MGA: variants seen among roughly 807,000 people sequenced by gnomAD.
MGA encodes MAX dimerization protein MGA, also known as MAX gene-associated protein.
Under a neutral mutation model 261.1 loss-of-function variants are expected in MGA, and 40 were observed. The observed-to-expected ratio is 0.15, with a 90% confidence interval of 0.12 to 0.20. The LOEUF (loss-of-function observed/expected upper bound fraction) is 0.20, where lower values mean the gene tolerates loss of function less well. Ranked by LOEUF, MGA falls within the 10% of genes least tolerant of loss-of-function variation. The pLI is 1.00. For synonymous variants in MGA, 1,302 were observed against 1,290.6 expected (o/e 1.01, Z -0.19); for missense variants, 3,397 against 3,630.5 (o/e 0.94, Z 1.65).
intron 1 of MGA, among the ~76,000 whole-genome samples, chr15:41,626,634 G>T (rs1362008127): frequency 6.6e-6 from 1 of 152,012 alleles, no homozygotes; most frequent in African/African-American, 2.4e-5. Context: ...CATTGGTCAG[G>T]CTGGTCTTGA....
At chr15:41,694,950 C>T (rs1421744132) in intron 2 of MGA, among the ~76,000 whole-genome samples, 1 of 152,100 alleles carries the variant, frequency 6.6e-6, no homozygotes, top group Non-Finnish European at 1.5e-5. Flanking sequence ...ATGCTGTTTT[C>T]AGTCATAGGC....
At chr15:41,678,850 A>G (rs990504785) in intron 2 of MGA, among the ~76,000 whole-genome samples, 4 of 151,380 alleles carry the variant, frequency 2.6e-5, no homozygotes, top group African/African-American at 9.7e-5. Context: ...AATTGCCCAC[A>G]TATGTGCAGA....
chr15:41,659,751 CCT>C (rs1168305547), upstream of MGA, among the ~76,000 whole-genome samples: 4 of 152,320 alleles, frequency 2.6e-5, no homozygotes, highest in African/African-American at 7.2e-5. Flanking sequence ...GCATCGTTTC[CCT>C]GTTTTATCAA....
At chr15:41,707,433 C>T (rs1053694473) in intron 5 of MGA, among the ~76,000 whole-genome samples, 7 of 152,200 alleles carry the variant, frequency 4.6e-5, no homozygotes, top group South Asian at 4.1e-4. Flanking sequence ...TTATCATGCA[C>T]GTCCCATCTC....
intron 1 of MGA, among the ~76,000 whole-genome samples, chr15:41,627,284 T>C (rs1028993677): frequency 6.6e-6 from 1 of 152,344 alleles, no homozygotes; most frequent in East Asian, 1.9e-4. Flanking sequence ...TTATCTAATG[T>C]CACTTTCTTG....
chr15:41,752,441 C>T (rs2062883803), intron 17 of MGA: 1 of 151,522 alleles, frequency 6.6e-6, no homozygotes, highest in Non-Finnish European at 1.5e-5. Flanking sequence ...TTTTTGCAGT[C>T]TCACACTGTA....
chr15:41,661,960 C>A (rs2057432791), intron 1 of MGA, among the ~76,000 whole-genome samples: 1 of 152,032 alleles, frequency 6.6e-6, no homozygotes, highest in Non-Finnish European at 1.5e-5. Context: ...GCTTTCCTTG[C>A]GGCATTTTTT....
Position 41,736,483 on chromosome 15 carries a change from G to A in MGA, c.4219G>A (p.Asp1407Asn), listed in dbSNP as rs1312798759. The A allele has an allele frequency of 1.9e-6, 3 of 1,614,024 alleles. No individual in the cohort carries two copies. The highest frequency in any genetic ancestry group is 2.5e-6 in the Non-Finnish European group (3 of 1,179,900). The change falls in exon 13 of 24, where the codon GAT (aspartate) becomes AAT (asparagine). Residue 1407 changes from aspartate to asparagine, a missense_variant. Physicochemically the swap from Asp to Asn is conservative, Grantham distance 23. Coordinates refer to ENST00000219905, the MANE Select transcript of MGA (RefSeq NM_001164273.2). ...TATGCCATCATGTCAAGACCAAGATGATATGGCTGAGAAATCTGGATCAGA... is the reference window on the plus strand; with the variant it reads ...TATGCCATCATGTCAAGACCAAGATAATATGGCTGAGAAATCTGGATCAGA...
intron 11 of MGA, among the ~76,000 whole-genome samples, chr15:41,733,236 C>T (rs896001137): frequency 3.9e-5 from 6 of 152,050 alleles, no homozygotes; most frequent in South Asian, 2.1e-4. Flanking sequence ...GGATTACAGG[C>T]GTGAGCCACA....
At chr15:41,713,869 G>GT (rs139846091) in intron 9 of MGA, among the ~76,000 whole-genome samples, 11 of 152,248 alleles carry the variant, frequency 7.2e-5, no homozygotes, top group African/African-American at 2.4e-4. Flanking sequence ...AATGCATCAT[G>GT]TTTTCTAAAA....
At chr15:41,681,759 A>T (rs1006929710) in intron 2 of MGA, among the ~76,000 whole-genome samples, 4 of 151,978 alleles carry the variant, frequency 2.6e-5, no homozygotes, top group African/African-American at 9.7e-5. Flanking sequence ...CAAATAATCC[A>T]TTTTTTTATG....
At position 41,765,048 on chromosome 15, in the gene MGA, C is replaced by T. The variant is rs1360565537; in HGVS notation, c.7907C>T (p.Ala2636Val). 6.2e-6 allele frequency: 10 copies of T among 1,613,870 alleles called. No homozygotes were observed. The highest frequency in any genetic ancestry group is 1.1e-5 in the South Asian group (1 of 91,090). ...CTTAAGCCTCAAGTTGCCGGTAGTG[C>T]TGTGGCTCTACCAGGTATGTTGTAA... Residue 2636 changes from alanine (A) to valine (V), a missense_variant, in exon 23 of 24, where the codon GCT (alanine) becomes GTT (valine). Ala to Val is a moderately conservative substitution (Grantham distance 64, BLOSUM62 0). Transcript: ENST00000219905.
chr15:41,715,276 A>G (rs1485370119), intron 9 of MGA, among the ~76,000 whole-genome samples: 1 of 151,550 alleles, frequency 6.6e-6, no homozygotes, highest in Non-Finnish European at 1.5e-5. Context: ...CAGCCTCCCA[A>G]GTAGCTGGGA....
intron 1 of MGA, among the ~76,000 whole-genome samples, chr15:41,637,924 T>A (rs913946961): frequency 3.2e-4 from 48 of 151,786 alleles, no homozygotes; most frequent in African/African-American, 1.1e-3. Context: ...TTTGTATTTT[T>A]AGTAGAGACG....
At position 41,685,579 on chromosome 15, in the gene MGA, ATC is replaced by A. The variant is rs571424728; in HGVS notation, c.1065-10492_1065-10491del. 4.3e-4 allele frequency among the ~76,000 whole-genome samples: 66 copies of A among 152,324 alleles called. 1 individual carries two copies. Among genetic ancestry groups the A allele is most frequent in the Non-Finnish European group, 8.1e-4 (55 of 68,032 alleles). ...GAATATTCTGTTAAACAAGGTATAT[ATC>A]TCTGTTTATTTAGATCTTGTTTAGT... On this transcript the variant is annotated intron_variant, in intron 2 of 23. Coordinates refer to ENST00000219905, the MANE Select transcript of MGA (RefSeq NM_001164273.2).
intron 18 of MGA, among the ~76,000 whole-genome samples, chr15:41,756,058 ATTGT>A (rs1206087243): frequency 6.6e-6 from 1 of 152,222 alleles, no homozygotes; most frequent in Non-Finnish European, 1.5e-5. Context: ...GTTTAAATTA[ATTGT>A]TTAAATTTAA....
At chr15:41,673,659 C>T (rs996489263) in intron 2 of MGA, among the ~76,000 whole-genome samples, 2 of 150,000 alleles carry the variant, frequency 1.3e-5, no homozygotes, top group Admixed American at 6.7e-5. Flanking sequence ...TCTCCTGCCT[C>T]AGCCTCTGGA....
chr15:41,704,748 G>A (rs891692997), intron 5 of MGA, among the ~76,000 whole-genome samples: 1 of 152,140 alleles, frequency 6.6e-6, no homozygotes, highest in African/African-American at 2.4e-5. Flanking sequence ...ACTTATATAG[G>A]TGTTTATAGA....
intron 9 of MGA, among the ~76,000 whole-genome samples, chr15:41,724,640 G>A (rs889064175): frequency 4.6e-5 from 7 of 152,116 alleles, no homozygotes; most frequent in African/African-American, 1.7e-4. Flanking sequence ...AGCCATGGTG[G>A]TGCCAGTACA....
Sources: gnomAD v4.1 joint callset for allele counts (sites outside exome capture counted in the v4.1 genomes callset) on GRCh38, gnomAD v4.1.1 for gene constraint, MANE v1.5 for transcripts, NCBI Gene and HGNC (gene_info 2026-07-23, HGNC 2026-07-21) for gene names.